Variants in NEDD9 observed in about 807,000 individuals in gnomAD.
NEDD9 encodes the protein neural precursor cell expressed, developmentally down-regulated 9, also known as enhancer of filamentation 1.
NEDD9 carries 26 observed loss-of-function variants against 76.6 expected under a neutral mutation model. That is an observed-to-expected ratio of 0.34 (90% CI 0.25 to 0.47). NEDD9 has a LOEUF of 0.47. Among genes scored for constraint, NEDD9 ranks in the 20% least tolerant of loss-of-function variants. The probability of loss-of-function intolerance (pLI) is 1.00; values close to 1 mark genes in which losing one functional copy is unlikely to be tolerated. For synonymous variants in NEDD9, 392 were observed against 414.2 expected, an observed-to-expected ratio of 0.95 and a Z score of 0.65; for missense variants, 937 against 1,058.5, an observed-to-expected ratio of 0.89 and a Z score of 1.59.
Position 11,184,933 on chromosome 6 carries a change from T to C in NEDD9, c.*229A>G. On this transcript the variant is annotated 3_prime_UTR_variant, in exon 7 of 7. Coordinates refer to ENST00000379446, the MANE Select transcript of NEDD9 (RefSeq NM_006403.4). ...ACGTGGACAAGTTTTCTGTACAGTT[T>C]ATGTCTCAGATACTTCTATGTATAC... 2.1e-6 allele frequency: 1 copy of C among 466,814 alleles called. No individual in the cohort carries two copies. Among genetic ancestry groups the C allele is most frequent in the Non-Finnish European group, 3.7e-6 (1 of 271,232 alleles). 28.9% of individuals were successfully genotyped at this position (466,814 alleles called of 1,614,324 possible).
chr6:11,281,641 A>G (rs1760540204), intron 3 of NEDD9, among the ~76,000 whole-genome samples: 1 of 152,220 alleles, frequency 6.6e-6, no homozygotes, highest in African/African-American at 2.4e-5. Flanking sequence ...GGCATGAGCC[A>G]CCACACCTGG....
intron 3 of NEDD9, among the ~76,000 whole-genome samples, chr6:11,274,747 A>T (rs79931448): frequency 2.6e-5 from 4 of 152,164 alleles, no homozygotes; most frequent in Non-Finnish European, 5.9e-5. Flanking sequence ...GAATAAAAGA[A>T]CCCTTACACA....
chr6:11,284,488 C>G (rs1403927326), intron 3 of NEDD9, among the ~76,000 whole-genome samples: 2 of 151,194 alleles, frequency 1.3e-5, no homozygotes, highest in Non-Finnish European at 2.9e-5. Context: ...ATGGCGTGAA[C>G]CCGGGAGGTG....
chr6:11,364,508 T>C (rs571376317), intron 1 of NEDD9, among the ~76,000 whole-genome samples: 2 of 152,222 alleles, frequency 1.3e-5, no homozygotes, highest in Admixed American at 1.3e-4. Context: ...AGCTGATTCA[T>C]GGAGAGGTTA....
chr6:11,183,871 A>T lies in NEDD9; in HGVS notation c.*1291T>A, dbSNP rs375241758. 2.0e-5 allele frequency: 3 copies of T among 152,370 alleles called. No individual in the cohort carries two copies. The East Asian group carries it at 5.8e-4, about 29-fold the overall frequency. 9.4% of individuals were successfully genotyped at this position (152,370 alleles called of 1,614,324 possible). ...TGGTAATATGTGAATACATTTACCC[A>T]TGGGGTAGAAGTATTTCACCTGCCC... On this transcript the variant is annotated 3_prime_UTR_variant, in exon 7 of 7. Coordinates refer to ENST00000379446, the MANE Select transcript of NEDD9 (RefSeq NM_006403.4).
chr6:11,364,839 A>T (rs781672084), intron 1 of NEDD9, among the ~76,000 whole-genome samples: 11 of 152,166 alleles, frequency 7.2e-5, no homozygotes, highest in Admixed American at 4.6e-4. Flanking sequence ...AGAGAAATAG[A>T]ATGGATGTCA....
intron 1 of NEDD9, among the ~76,000 whole-genome samples, chr6:11,222,546 C>T (rs768304027): frequency 7.9e-5 from 12 of 152,240 alleles, no homozygotes; most frequent in East Asian, 1.9e-4. Context: ...TGTTCAGTGC[C>T]GAGGTGGAGA....
intron 6 of NEDD9, 77 bp from the exon 7 acceptor site, chr6:11,185,748 A>G: frequency 1.3e-6 from 2 of 1,544,394 alleles, no homozygotes; most frequent in Non-Finnish European, 1.8e-6. Flanking sequence ...CCTTGGAGTT[A>G]AAAGACAGGG....
rs532718919 is a variant in NEDD9, at chr6:11,323,718, C to A, written c.-153+10783G>T. On this transcript the variant is annotated intron_variant, in intron 2 of 3. Coordinates refer to the NEDD9 transcript ENST00000397378. Reference sequence around the variant, plus strand: ...CTTAGTCATGGGTGATAGAAGGAGGCCCCTAGGTGGCTACAAACCTCTGAG... The same window carrying A: ...CTTAGTCATGGGTGATAGAAGGAGGACCCTAGGTGGCTACAAACCTCTGAG... Among the ~76,000 whole-genome samples, 4 of 152,316 alleles carry A rather than the reference C, an allele frequency of 2.6e-5. No homozygotes were observed. In the East Asian group the frequency reaches 5.8e-4, roughly 22 times the overall value.
intron 2 of NEDD9, among the ~76,000 whole-genome samples, chr6:11,317,748 C>A (rs1761618209): frequency 6.6e-6 from 1 of 152,140 alleles, no homozygotes; most frequent in Admixed American, 6.5e-5. Context: ...CATGCGTGGC[C>A]AGTGCACCCG....
intron 3 of NEDD9, among the ~76,000 whole-genome samples, chr6:11,298,099 G>T (rs1265536790): frequency 2.0e-5 from 3 of 151,804 alleles, no homozygotes; most frequent in African/African-American, 4.8e-5. Flanking sequence ...GTAGAGATGG[G>T]GTTTCACTCT....
chr6:11,338,272 A>G (rs79242280), intron 1 of NEDD9, among the ~76,000 whole-genome samples: 1 of 152,222 alleles, frequency 6.6e-6, no homozygotes, highest in Non-Finnish European at 1.5e-5. Context: ...TGATGCCTCT[A>G]CAAGCCAAGG....
chr6:11,191,134 AG>A lies in NEDD9; in HGVS notation c.734del (p.Pro245LeufsTer3). ...GLREKDYDFP[P>X]PMRQAGRPDL... ...CCGGCCTTCCAGCTTGTCTCATGGGAGGGGGGAAGTCATAGTCTTTTTCCCT... is the reference window on the plus strand; with the variant it reads ...CCGGCCTTCCAGCTTGTCTCATGGGAGGGGGAAGTCATAGTCTTTTTCCCT... On this transcript the variant is annotated frameshift_variant, in exon 5 of 7. Transcript: ENST00000379446. LOFTEE classifies it high-confidence loss of function. 1 of 1,613,682 alleles carries A rather than the reference AG, an allele frequency of 6.2e-7. No homozygotes were observed. Among genetic ancestry groups the A allele is most frequent in the Non-Finnish European group, 8.5e-7 (1 of 1,179,938 alleles).
At chr6:11,332,109 T>C (rs773300174) in intron 2 of NEDD9, among the ~76,000 whole-genome samples, 3 of 152,236 alleles carry the variant, frequency 2.0e-5, no homozygotes, top group Non-Finnish European at 4.4e-5. Flanking sequence ...TTGGTAACAG[T>C]GAGCATCATT....
In NEDD9 at chr6:11,269,503, A is replaced by G. The variant is rs114539649; in HGVS notation, c.12+36489T>C. Among the ~76,000 whole-genome samples, 1,197 of 152,356 alleles carry G rather than the reference A, an allele frequency of 7.9e-3. 11 individuals are homozygous for G. Among genetic ancestry groups the G allele is most frequent in the African/African-American group, 0.027 (1,106 of 41,592 alleles). On this transcript the variant is annotated intron_variant, in intron 3 of 3. Coordinates refer to the NEDD9 transcript ENST00000397378. Reference sequence around the variant, plus strand: ...TGAATAAAGTATGACTTTTCTTTCCAGAAAATGCATACACAAAATTGCATA... The same window carrying G: ...TGAATAAAGTATGACTTTTCTTTCCGGAAAATGCATACACAAAATTGCATA...
chr6:11,303,889 T>C (rs1012731236), intron 3 of NEDD9, among the ~76,000 whole-genome samples: 2 of 152,216 alleles, frequency 1.3e-5, no homozygotes, highest in African/African-American at 2.4e-5. Flanking sequence ...ATTCAGGACA[T>C]AGACATGGGC....
intron 2 of NEDD9, among the ~76,000 whole-genome samples, chr6:11,311,406 C>G (rs533949362): frequency 6.6e-6 from 1 of 152,276 alleles, no homozygotes. Context: ...AGCCACCAAC[C>G]CTACCGACCC....
chr6:11,251,480 G>GT (rs1396632947), intron 3 of NEDD9: 1 of 152,196 alleles, frequency 6.6e-6, no homozygotes, highest in Non-Finnish European at 1.5e-5. Flanking sequence ...CACGGTCATG[G>GT]TTTTCTCTCT....
intron 3 of NEDD9, among the ~76,000 whole-genome samples, chr6:11,268,599 G>A (rs1449751210): frequency 6.6e-6 from 1 of 151,936 alleles, no homozygotes; most frequent in Non-Finnish European, 1.5e-5. Flanking sequence ...GTGATGGCAG[G>A]CACCTGTAAT....
Sources: gnomAD v4.1 joint callset for allele counts (sites outside exome capture counted in the v4.1 genomes callset) on GRCh38, gnomAD v4.1.1 for gene constraint, MANE v1.5 for transcripts, NCBI Gene and HGNC (gene_info 2026-07-23, HGNC 2026-07-21) for gene names.